The following ZNF217 variants were observed in gnomAD, a reference collection of about 807,000 sequenced individuals.
ZNF217 encodes zinc finger protein 217.
Under a neutral mutation model 73.3 loss-of-function variants are expected in ZNF217, and 12 were observed. The observed-to-expected ratio is 0.16, with a 90% CI of 0.10 to 0.27. The LOEUF (loss-of-function observed/expected upper bound fraction) is 0.27. Among genes scored for constraint, ZNF217 ranks in the 10% least tolerant of loss-of-function variants. The pLI, the probability that ZNF217 is intolerant of heterozygous loss-of-function variation, is 1.00. For missense variants in ZNF217, 1,195 were observed against 1,327.8 expected (o/e 0.90, Z 1.55); for synonymous variants, 588 against 516.4 (o/e 1.14, Z -1.88).
chr20:53,580,507 G>C (rs926537766), intron 2 of ZNF217, among the ~76,000 whole-genome samples: 2 of 152,190 alleles, frequency 1.3e-5, no homozygotes, highest in African/African-American at 4.8e-5. Flanking sequence ...ACTCTGATAG[G>C]AGAAGCTCTG....
At chr20:53,584,136 G>A (rs1378033167) in intron 1 of ZNF217, among the ~76,000 whole-genome samples, 1 of 152,150 alleles carries the variant, frequency 6.6e-6, no homozygotes, top group Non-Finnish European at 1.5e-5. Flanking sequence ...TCCTGGAGAA[G>A]AATTAACTTC....
chr20:53,576,458 G>A lies in ZNF217; in HGVS notation c.2306C>T (p.Ser769Phe), dbSNP rs759407881. 1 of 1,614,226 alleles carries A rather than the reference G, an allele frequency of 6.2e-7. No individual in the cohort carries two copies. The highest frequency in any genetic ancestry group is 1.6e-4 in the Middle Eastern group (1 of 6,062). ...ALLGKDVPPL[S>F]SFCKPKPKSA... The stretch of plus-strand genomic sequence containing the variant: ...CTTGGGCTTGGGTTTACAGAAACTA[G>A]AGAGGGGAGGCACATCTTTTCCCAG... The change falls in exon 4 of 6, where the codon TCT (serine) becomes TTT (phenylalanine). Residue 769 changes from serine (S) to phenylalanine (F), a missense_variant. Transcript: ENST00000371471.
rs1215913355 is a variant in ZNF217, at chr20:53,577,061, G to A, written c.1703C>T (p.Thr568Ile). ...KRFFDGAKDV[T>I]GSPPAKQLKE... ...AAGCTGCTTTGCAGGTGGACTGCCT[G>A]TAACATCTTTGGCACCATCAAAAAA... Residue 568 changes from threonine to isoleucine, a missense_variant, in exon 4 of 6, where the codon ACA becomes ATA. Thr to Ile is a moderately conservative substitution (Grantham distance 89, BLOSUM62 -1). Around this residue, in one of 9 missense-constraint regions of ZNF217, gnomAD observed 649 missense variants for 642.8 expected, o/e 1.01. Transcript: ENST00000371471. 1.9e-6 allele frequency: 3 copies of A among 1,614,234 alleles called. No homozygotes were observed. Among genetic ancestry groups the A allele is most frequent in the Non-Finnish European group, 2.5e-6 (3 of 1,180,050 alleles).
intron 1 of ZNF217, among the ~76,000 whole-genome samples, chr20:53,593,507 G>A (rs1373951524): frequency 6.6e-6 from 1 of 151,414 alleles, no homozygotes; most frequent in Non-Finnish European, 1.5e-5. Context: ...TGAATCGTGC[G>A]GCGTGAGTGT....
At position 53,583,102 on chromosome 20, in the gene ZNF217, T is replaced by C. The variant is rs985292921; in HGVS notation, c.-276A>G. ...AAAGCATTAGTTCTCTTTGTCTCCATTGAATGAGTGTTTCAATTGAGCAAG... is the reference window on the plus strand; with the variant it reads ...AAAGCATTAGTTCTCTTTGTCTCCACTGAATGAGTGTTTCAATTGAGCAAG... On this transcript the variant is annotated 5_prime_UTR_variant, in exon 2 of 6. The change abolishes an upstream ATG in the 5' untranslated region. Transcript: ENST00000371471. 7.3e-5 allele frequency: 31 copies of C among 422,862 alleles called. No individual in the cohort carries two copies. Among genetic ancestry groups the C allele is most frequent in the African/African-American group, 2.0e-4 (10 of 48,944 alleles). The allele number at this position is 422,862 out of a possible 1,614,324, so 26.2% of individuals were successfully genotyped here.
In ZNF217 at chr20:53,576,212, G is replaced by A. The variant is rs375628117; in HGVS notation, c.2552C>T (p.Pro851Leu). The change falls in exon 4 of 6, where the codon CCG becomes CTG. Residue 851 changes from proline (P) to leucine (L), a missense_variant. Coordinates refer to ENST00000371471, the MANE Select transcript of ZNF217 (RefSeq NM_006526.3). ...TGTCTCGGGTCTTTTTGTCTTATCC[G>A]GTGCAGGGGAAACACTGGTTTTAGG... The part of the protein sequence containing the change: ...MFPKTSVSPA[P>L]DKTKRPETKL... The A allele has an allele frequency of 1.7e-5, 27 of 1,614,186 alleles. No individual in the cohort carries two copies. In the African/African-American group the frequency reaches 2.0e-4, roughly 12 times the overall value.
chr20:53,589,932 G>A (rs1374130855), intron 1 of ZNF217, among the ~76,000 whole-genome samples: 1 of 142,420 alleles, frequency 7.0e-6, no homozygotes, highest in African/African-American at 2.7e-5. Context: ...AGAGGTGTGC[G>A]GATCAAGACC....
chr20:53,578,389 A>G lies in ZNF217; in HGVS notation c.1428T>C (p.Cys476=). ...HLTSSRECSY[C]GKFFRSNYYL... The stretch of plus-strand genomic sequence containing the variant: ...AATAATTTGAACGGAAAAACTTTCC[A>G]CAATAACTACACTCTCTTGAAGATG... Residue 476 remains cysteine (C), a synonymous_variant, in exon 3 of 6, where the codon TGT becomes TGC. Coordinates refer to ENST00000371471, the MANE Select transcript of ZNF217 (RefSeq NM_006526.3). 1.3e-6 allele frequency: 2 copies of G among 1,599,716 alleles called. No homozygotes were observed. Among genetic ancestry groups the G allele is most frequent in the Non-Finnish European group, 1.7e-6 (2 of 1,175,976 alleles).
At chr20:53,588,016 A>G (rs563561427) in intron 1 of ZNF217, among the ~76,000 whole-genome samples, 6 of 152,194 alleles carry the variant, frequency 3.9e-5, no homozygotes, top group Non-Finnish European at 8.8e-5. Flanking sequence ...AAGTTAAGCG[A>G]AAGAAAAAGA....
Position 53,582,058 on chromosome 20 carries a change from C to G in ZNF217, c.769G>C (p.Gly257Arg). ...SSAQTDSPQG[G>R]MPSSREDFLQ... ...AAGTCCTCCCTCGAGGACGGCATTCCTCCTTGTGGAGAGTCTGTCTGCGCG... is the reference window on the plus strand; with the variant it reads ...AAGTCCTCCCTCGAGGACGGCATTCGTCCTTGTGGAGAGTCTGTCTGCGCG... Residue 257 changes from glycine (G) to arginine (R), a missense_variant, in exon 2 of 6, where the codon GGA becomes CGA. Physicochemically the swap from Gly to Arg is moderately radical, Grantham distance 125. This residue lies in a region of ZNF217 where 126 missense variants were observed against 114.4 expected (regional missense o/e 1.10). Transcript: ENST00000371471. This position sits in a 1 kb window ranked among gnomAD's most constrained non-coding sequence, Gnocchi z 4.8. 1 of 1,614,256 alleles carries G rather than the reference C, an allele frequency of 6.2e-7. No individual in the cohort carries two copies. Among genetic ancestry groups the G allele is most frequent in the Non-Finnish European group, 8.5e-7 (1 of 1,180,050 alleles).
chr20:53,575,915 C>T lies in ZNF217; in HGVS notation c.2849G>A (p.Gly950Asp). The change falls in exon 4 of 6, where the codon GGC becomes GAC. Residue 950 changes from glycine (G) to aspartate (D), a missense_variant. This residue lies in a region of ZNF217 where 649 missense variants were observed against 642.8 expected (regional missense o/e 1.01). Coordinates refer to ENST00000371471, the MANE Select transcript of ZNF217 (RefSeq NM_006526.3). ...GTCCTGCGGTAACAGTGATGTGATG[C>T]CTCTGACCATATGGTACTTGGGAAG... is the stretch of plus-strand genomic sequence containing the variant. ...YDLPKYHMVR[G>D]ITSLLPQDCV... is the part of the protein sequence containing the mutation. 6.2e-7 allele frequency: 1 copy of T among 1,614,170 alleles called. No homozygotes were observed. The highest frequency in any genetic ancestry group is 8.5e-7 in the Non-Finnish European group (1 of 1,180,026).
intron 1 of ZNF217, among the ~76,000 whole-genome samples, chr20:53,591,365 G>C (rs6123299): frequency 0.065 from 9,935 of 152,218 alleles, 512 homozygotes; most frequent in East Asian, 0.15. Flanking sequence ...CCTTCTGTAG[G>C]CAAATAAAGA....
chr20:53,593,892 G>GAGGC (rs1481461682), upstream of ZNF217: 1 of 151,124 alleles, frequency 6.6e-6, no homozygotes, highest in Non-Finnish European at 1.5e-5. Flanking sequence ...GGGAGGGAGG[G>GAGGC]AGGCGTCGCG....
chr20:53,597,109 A>AAAAAAAAAAAAAAAAAAAAAAAAAAAC, upstream of ZNF217, among the ~76,000 whole-genome samples: 1 of 138,730 alleles, frequency 7.2e-6, no homozygotes, highest in Non-Finnish European at 1.6e-5. Context: ...AAAAAAAAAA[A>AAAAAAAAAAAAAAAAAAAAAAAAAAAC]AAAACTTCTG....
In ZNF217 at chr20:53,576,463, G is replaced by A. The variant is rs1457268726; in HGVS notation, c.2301C>T (p.Pro767=). The change falls in exon 4 of 6, where the codon CCC becomes CCT. Residue 767 remains proline, a synonymous_variant. Transcript: ENST00000371471. The part of the protein sequence containing the change: ...PPALLGKDVP[P]LSSFCKPKPK... Reference sequence around the variant, plus strand: ...GCTTGGGTTTACAGAAACTAGAGAGGGGAGGCACATCTTTTCCCAGCAACG... The same window carrying A: ...GCTTGGGTTTACAGAAACTAGAGAGAGGAGGCACATCTTTTCCCAGCAACG... The A allele has an allele frequency of 3.1e-6, 5 of 1,614,098 alleles. No homozygotes were observed. The highest frequency in any genetic ancestry group is 4.2e-6 in the Non-Finnish European group (5 of 1,180,040).
chr20:53,572,590 T>C (rs1439788247), intron 4 of ZNF217: 2 of 152,254 alleles, frequency 1.3e-5, no homozygotes, highest in Non-Finnish European at 1.5e-5. Context: ...TTATAAAATC[T>C]ACTGGAGTGT....
chr20:53,577,420 C>A, intron 3 of ZNF217, 140 bp from the exon 4 acceptor site: 1 of 747,162 alleles, frequency 1.3e-6, no homozygotes, highest in Non-Finnish European at 2.1e-6. Context: ...CTCATCAGTT[C>A]TTTATCATCC....
chr20:53,594,435 C>T (rs1242375892), upstream of ZNF217, among the ~76,000 whole-genome samples: 35 of 150,968 alleles, frequency 2.3e-4, no homozygotes, highest in Non-Finnish European at 4.4e-4. Flanking sequence ...CGCGCCCCTG[C>T]TCCGCCCCCC....
chr20:53,586,855 G>A (rs1320757663), intron 1 of ZNF217, among the ~76,000 whole-genome samples: 4 of 152,306 alleles, frequency 2.6e-5, no homozygotes, highest in Admixed American at 6.5e-5. Flanking sequence ...GCAGTAAACC[G>A]ATGGCACTGC....
Sources: gnomAD v4.1 joint callset for allele counts (sites outside exome capture counted in the v4.1 genomes callset) on GRCh38, gnomAD v4.1.1 for gene constraint, gnomAD v4.1.1 regional missense constraint, Gnocchi (gnomAD v3.1) non-coding constraint, MANE v1.5 for transcripts, NCBI Gene and HGNC (gene_info 2026-07-23, HGNC 2026-07-21) for gene names.